Variants in GRID2 observed in about 807,000 individuals in gnomAD.
GRID2 encodes the protein glutamate ionotropic receptor delta type subunit 2, also known as glutamate receptor ionotropic, delta-2.
In GRID2, 33 loss-of-function variants were observed where a neutral mutation model predicts 114.8. The observed-to-expected ratio is 0.29, with a 90% CI of 0.22 to 0.38. The LOEUF is 0.38. GRID2 is among the 10% of genes least tolerant of loss of function. GRID2 has a pLI of 1.00. For synonymous variants in GRID2, 505 were observed against 449.9 expected (o/e 1.12, Z -1.55); for missense variants, 1,184 against 1,257.7 (o/e 0.94, Z 0.89).
intron 11 of GRID2, among the ~76,000 whole-genome samples, chr4:93,467,605 G>A (rs1459658101): frequency 6.6e-6 from 1 of 152,146 alleles, no homozygotes; most frequent in East Asian, 1.9e-4. Flanking sequence ...CAAGTACCAC[G>A]CTTCTGTGCT....
intron 2 of GRID2, among the ~76,000 whole-genome samples, chr4:92,952,158 G>C (rs879467723): frequency 2.0e-5 from 3 of 152,146 alleles, no homozygotes; most frequent in Non-Finnish European, 4.4e-5. Flanking sequence ...GACTTAGCCC[G>C]GTGATATTTG....
rs1011533523 is a variant in GRID2, at chr4:92,412,139, T to G, written c.88+107395T>G. ...TGCCTGTGTGTGTGTGTGTGTGTGG[T>G]GTGTGTGTTCAATTGGCTCTTGTGA... On this transcript the variant is annotated intron_variant, in intron 1 of 15. Coordinates refer to ENST00000282020, the MANE Select transcript of GRID2 (RefSeq NM_001510.4). Among the ~76,000 whole-genome samples the G allele has an allele frequency of 5.3e-5, 8 of 151,390 alleles. No homozygotes were observed. In the East Asian group the frequency reaches 1.2e-3, roughly 22 times the overall value.
intron 4 of GRID2, among the ~76,000 whole-genome samples, chr4:93,111,730 C>T (rs867717011): frequency 2.5e-4 from 36 of 142,286 alleles, no homozygotes; most frequent in African/African-American, 8.4e-4. Flanking sequence ...AATTTGAGGA[C>T]GGGAATTTAT....
chr4:92,445,494 C>A (rs909626600), intron 1 of GRID2, among the ~76,000 whole-genome samples: 3 of 152,132 alleles, frequency 2.0e-5, no homozygotes, highest in African/African-American at 7.2e-5. Context: ...TTGTATACAG[C>A]TGAAAGAGTG....
chr4:93,788,041 G>T (rs1347693295), intron 1 of GRID2, among the ~76,000 whole-genome samples: 1 of 152,176 alleles, frequency 6.6e-6, no homozygotes, highest in Non-Finnish European at 1.5e-5. Flanking sequence ...CTAAGGCTGG[G>T]CGCGGTGGCT....
At chr4:92,969,452 A>C (rs1753362091) in intron 2 of GRID2, among the ~76,000 whole-genome samples, 1 of 151,766 alleles carries the variant, frequency 6.6e-6, no homozygotes, top group Non-Finnish European at 1.5e-5. Context: ...TTGGGGATCC[A>C]TGTTATATAA....
At chr4:92,646,191 T>G (rs924563477) in intron 2 of GRID2, among the ~76,000 whole-genome samples, 1 of 6,314 alleles carries the variant, frequency 1.6e-4, no homozygotes, top group Admixed American at 2.7e-3. Context: ...TAATTAATAA[T>G]GTGCCATGGA....
In GRID2 at chr4:92,652,172, T is replaced by C. The variant is rs117467329; in HGVS notation, c.244+61886T>C. Among the ~76,000 whole-genome samples, 247 of 152,118 alleles carry C rather than the reference T, an allele frequency of 1.6e-3. 4 individuals are homozygous for C. In the East Asian group the frequency reaches 0.038, roughly 23 times the overall value. ...GAACAAGATGGATTTTCCCCTGCCT[T>C]TTTGTTCTATTCAGATTGTCAATGT... On this transcript the variant is annotated intron_variant, in intron 2 of 15. Transcript: ENST00000282020.
chr4:93,051,828 C>T (rs1726747314), intron 2 of GRID2, among the ~76,000 whole-genome samples: 1 of 152,010 alleles, frequency 6.6e-6, no homozygotes, highest in African/African-American at 2.4e-5. Flanking sequence ...AGAATGTGGT[C>T]AGCAATTTCT....
intron 1 of GRID2, among the ~76,000 whole-genome samples, chr4:92,525,744 G>A (rs893055692): frequency 2.0e-5 from 3 of 152,046 alleles, no homozygotes; most frequent in South Asian, 2.1e-4. Context: ...ATGATGACAC[G>A]GCACCATAAG....
At chr4:92,682,697 C>T (rs1733708162) in intron 2 of GRID2, among the ~76,000 whole-genome samples, 1 of 149,194 alleles carries the variant, frequency 6.7e-6, no homozygotes, top group African/African-American at 2.6e-5. Flanking sequence ...CACACACACA[C>T]ACACACACAC....
At chr4:93,120,148 G>A (rs1733645243) in intron 4 of GRID2, among the ~76,000 whole-genome samples, 2 of 152,190 alleles carry the variant, frequency 1.3e-5, no homozygotes, top group Admixed American at 6.5e-5. Flanking sequence ...CTGTTTGTGG[G>A]AGTGTAAATT....
chr4:93,011,580 G>T (rs1722174516), intron 2 of GRID2, among the ~76,000 whole-genome samples: 3 of 152,068 alleles, frequency 2.0e-5, no homozygotes, highest in Admixed American at 2.0e-4. Flanking sequence ...TTCAGAGATT[G>T]CAAGAATTTA....
intron 1 of GRID2, among the ~76,000 whole-genome samples, chr4:93,789,063 A>G (rs1372916283): frequency 1.3e-5 from 2 of 152,202 alleles, no homozygotes; most frequent in Non-Finnish European, 2.9e-5. Context: ...TTTTCTTCAT[A>G]TCCATCCCAG....
Position 93,083,257 on chromosome 4 carries a change from A to G in GRID2, c.245-1738A>G, listed in dbSNP as rs1203013177. 4.6e-5 allele frequency among the ~76,000 whole-genome samples: 7 copies of G among 152,306 alleles called. No individual in the cohort carries two copies. The South Asian group carries it at 1.2e-3, about 27-fold the overall frequency. On this transcript the variant is annotated intron_variant, in intron 2 of 15. Transcript: ENST00000282020. The stretch of plus-strand genomic sequence containing the variant: ...GTCATATATACCAAAATAATGAAAT[A>G]AAAATTTGACTACTCTTTTTGCATT...
At chr4:93,200,566 A>AAAAAAAAAAAAAAAAAAAC (rs1554006814) in intron 4 of GRID2, among the ~76,000 whole-genome samples, 4 of 149,864 alleles carry the variant, frequency 2.7e-5, no homozygotes, top group African/African-American at 7.4e-5. Context: ...ACTCCGTCTC[A>AAAAAAAAAAAAAAAAAAAC]AAACAAACAA....
intron 2 of GRID2, among the ~76,000 whole-genome samples, chr4:92,638,335 A>G (rs1020413049): frequency 6.6e-6 from 1 of 151,358 alleles, no homozygotes; most frequent in Admixed American, 6.6e-5. Context: ...TAGTATCTAC[A>G]TGCCATGTTA....
intron 2 of GRID2, among the ~76,000 whole-genome samples, chr4:93,011,162 GT>G (rs908780368): frequency 4.7e-5 from 7 of 148,146 alleles, no homozygotes; most frequent in African/African-American, 7.5e-5. Flanking sequence ...CTTGGTTGCT[GT>G]TTTTTTTAAT....
chr4:92,304,518 G>T lies in GRID2; in HGVS notation c.-139G>T. The T allele has an allele frequency of 3.0e-6, 2 of 668,552 alleles. No homozygotes were observed. The highest frequency in any genetic ancestry group is 2.7e-6 in the Non-Finnish European group (1 of 375,330). The allele number at this position is 668,552 out of a possible 1,614,324, so 41.4% of individuals were successfully genotyped here. A position where few individuals can be genotyped will look rare whatever the true frequency, so the allele number is the denominator to read the frequency against. On this transcript the variant is annotated 5_prime_UTR_variant, in exon 1 of 16. Coordinates refer to ENST00000282020, the MANE Select transcript of GRID2 (RefSeq NM_001510.4). ...CTGCCTTTCTCGGCGACGATAAAAG[G>T]CTTTGCTCTGGCAATAGGAATTTAG... is the stretch of plus-strand genomic sequence containing the variant.
Sources: allele counts gnomAD v4.1 joint callset (sites outside exome capture counted in the v4.1 genomes callset), GRCh38; gene constraint gnomAD v4.1.1; transcripts MANE v1.5; gene names NCBI Gene and HGNC (gene_info 2026-07-23, HGNC 2026-07-21).